The following LRP2 variants were observed in gnomAD, a reference collection of about 807,000 sequenced individuals.
LRP2 encodes LDL receptor related protein 2, also known as low-density lipoprotein receptor-related protein 2.
In LRP2, 172 loss-of-function variants were observed where a neutral mutation model predicts 531.0. That is an observed-to-expected ratio of 0.32 (90% confidence interval 0.29 to 0.37). The LOEUF (loss-of-function observed/expected upper bound fraction) is 0.37, where lower values mean the gene tolerates loss of function less well. LRP2 is among the 10% of genes least tolerant of loss of function. LRP2 has a pLI of 1.00. For missense variants in LRP2, 5,167 were observed against 5,868.3 expected (o/e 0.88, Z 3.90); for synonymous variants, 1,992 against 2,027.6 (o/e 0.98, Z 0.47).
At chr2:169,220,712 T>C (rs1051526745) in intron 33 of LRP2, 149 bp from the exon 34 acceptor site, 24 of 663,224 alleles carry the variant, frequency 3.6e-5, no homozygotes, top group African/African-American at 3.2e-4. Context: ...ATAATCTATA[T>C]TGCACTTCAG....
chr2:169,351,512 C>T (rs1685846604), intron 1 of LRP2, among the ~76,000 whole-genome samples: 3 of 152,122 alleles, frequency 2.0e-5, no homozygotes, highest in Admixed American at 6.5e-5. Context: ...GGAGGAAAGA[C>T]AGAAGATATA....
chr2:169,241,682 T>A (rs986175877), intron 24 of LRP2, among the ~76,000 whole-genome samples: 9 of 152,198 alleles, frequency 5.9e-5, no homozygotes, highest in African/African-American at 2.2e-4. Flanking sequence ...CAATTGCAGA[T>A]TCAATAATAA....
Position 169,289,119 on chromosome 2 carries a change from A to T in LRP2, c.949T>A (p.Cys317Ser). ...GGCGTCTCATGGCACTGGTACTGGCAGTTCAAGGCAGAGCACAGAGTCATA... is the reference window on the plus strand; with the variant it reads ...GGCGTCTCATGGCACTGGTACTGGCTGTTCAAGGCAGAGCACAGAGTCATA... ...CSMTLCSALN[C>S]QYQCHETPYG... Residue 317 changes from cysteine (C) to serine (S), a missense_variant, in exon 9 of 79, where the codon TGC (cysteine) becomes AGC (serine). Physicochemically the swap from Cys to Ser is moderately radical, Grantham distance 112. Transcript: ENST00000649046. The T allele has an allele frequency of 6.2e-7, 1 of 1,614,176 alleles. No homozygotes were observed. Among genetic ancestry groups the T allele is most frequent in the Non-Finnish European group, 8.5e-7 (1 of 1,180,006 alleles).
In LRP2 at chr2:169,202,802, A is replaced by T. The variant is rs1278422225; in HGVS notation, c.8163T>A (p.Asn2721Lys). The change falls in exon 43 of 79, where the codon AAT becomes AAA. Residue 2721 changes from asparagine (N) to lysine (K), a missense_variant. Asn to Lys is a moderately conservative substitution (Grantham distance 94). This residue lies in a region of LRP2 where 1,129 missense variants were observed against 1,362.7 expected (regional missense o/e 0.83). Transcript: ENST00000649046. ...RCISEEWKCD[N>K]DNDCGDGSDE... is the part of the protein sequence containing the mutation. ...CACTGCCATCCCCACAGTCGTTGTC[A>T]TTATCACACTTCCACTCTTCCGAGA... 1 of 1,614,126 alleles carries T rather than the reference A, an allele frequency of 6.2e-7. No homozygotes were observed. The highest frequency in any genetic ancestry group is 8.5e-7 in the Non-Finnish European group (1 of 1,180,016).
chr2:169,200,717 C>A (rs767558375), intron 44 of LRP2, among the ~76,000 whole-genome samples: 24 of 152,158 alleles, frequency 1.6e-4, no homozygotes, highest in Non-Finnish European at 2.8e-4. Flanking sequence ...TAATTACCAA[C>A]AAAAGCTGGT....
intron 31 of LRP2, among the ~76,000 whole-genome samples, chr2:169,229,605 T>C (rs1390218182): frequency 1.3e-5 from 2 of 152,204 alleles, no homozygotes; most frequent in Non-Finnish European, 2.9e-5. Flanking sequence ...TTGTGGGGAA[T>C]ATATTTTCTA....
intron 1 of LRP2, among the ~76,000 whole-genome samples, chr2:169,344,157 A>T (rs1472709259): frequency 6.6e-6 from 1 of 152,124 alleles, no homozygotes; most frequent in African/African-American, 2.4e-5. Flanking sequence ...TCTGGGGTAC[A>T]TGTGCAGAAC....
chr2:169,321,496 T>TTATCTGGTTATCTCTGA (rs1684908176), intron 1 of LRP2, among the ~76,000 whole-genome samples: 1 of 151,574 alleles, frequency 6.6e-6, no homozygotes, highest in Non-Finnish European at 1.5e-5. Flanking sequence ...GACCAGAATG[T>TTATCTGGTTATCTCTGA]TAACAGTGGT....
intron 4 of LRP2, among the ~76,000 whole-genome samples, chr2:169,303,601 G>A (rs1413745162): frequency 1.3e-5 from 2 of 152,024 alleles, no homozygotes; most frequent in African/African-American, 4.8e-5. Context: ...TTTCCTTCTT[G>A]TATATATCTG....
At chr2:169,361,356 C>CTCTG (rs879721006) in intron 1 of LRP2, among the ~76,000 whole-genome samples, 9,607 of 111,552 alleles carry the variant, frequency 0.086, 573 homozygotes, top group Non-Finnish European at 0.13. Flanking sequence ...CTCTGTCTCT[C>CTCTG]TCTCTCTCTC....
chr2:169,129,604 C>T lies in LRP2; in HGVS notation c.13729-520G>A, dbSNP rs367554604. Among the ~76,000 whole-genome samples, 208 of 152,276 alleles carry T rather than the reference C, an allele frequency of 1.4e-3. 6 individuals are homozygous for T. In the South Asian group the frequency reaches 0.027, roughly 20 times the overall value. On this transcript the variant is annotated intron_variant, in intron 77 of 78. Coordinates refer to ENST00000649046, the MANE Select transcript of LRP2 (RefSeq NM_004525.3). Reference sequence around the variant, plus strand: ...ACATCTAACATTTATTGAGTGCTTACTATGTGTCAGGAACTATTCTAAGAG... The same window carrying T: ...ACATCTAACATTTATTGAGTGCTTATTATGTGTCAGGAACTATTCTAAGAG...
intron 56 of LRP2, among the ~76,000 whole-genome samples, chr2:169,173,553 C>T (rs890874975): frequency 6.6e-6 from 1 of 152,176 alleles, no homozygotes; most frequent in Non-Finnish European, 1.5e-5. Flanking sequence ...TTAATGTGAA[C>T]CTCAGTTTCC....
In LRP2 at chr2:169,244,619, G is replaced by C. The variant is rs1165807293; in HGVS notation, c.3430+74C>G. On this transcript the variant is annotated intron_variant, in intron 22 of 78. Coordinates refer to ENST00000649046, the MANE Select transcript of LRP2 (RefSeq NM_004525.3). ...AAAATTGCATGAGCCTTAGAGGAAA[G>C]AATGCAAGGCCATTTGGTTGTTGAA... The C allele has an allele frequency of 3.1e-6, 5 of 1,593,812 alleles. No homozygotes were observed. The African/African-American group carries it at 4.0e-5, about 13-fold the overall frequency.
intron 50 of LRP2, among the ~76,000 whole-genome samples, chr2:169,183,661 G>A (rs1323881240): frequency 1.3e-5 from 2 of 152,116 alleles, no homozygotes; most frequent in Non-Finnish European, 2.9e-5. Context: ...AAGACATCCT[G>A]TGAACAGATT....
intron 37 of LRP2, among the ~76,000 whole-genome samples, chr2:169,210,944 G>A (rs1425368947): frequency 2.0e-5 from 3 of 152,164 alleles, no homozygotes; most frequent in Non-Finnish European, 2.9e-5. Flanking sequence ...GTTAACAACT[G>A]TTAAATCTTG....
chr2:169,338,374 AAG>A (rs1685470464), intron 1 of LRP2, among the ~76,000 whole-genome samples: 2 of 122,220 alleles, frequency 1.6e-5, no homozygotes, highest in Non-Finnish European at 3.4e-5. Flanking sequence ...GAAAGAAAGA[AAG>A]AAAGAAAGAA....
chr2:169,215,571 A>G (rs1188400110), intron 35 of LRP2, among the ~76,000 whole-genome samples: 1 of 151,942 alleles, frequency 6.6e-6, no homozygotes, highest in Non-Finnish European at 1.5e-5. Flanking sequence ...CTGAGTTCAG[A>G]ACCTTGCTAC....
At chr2:169,268,322 C>T (rs749116983) in intron 16 of LRP2, among the ~76,000 whole-genome samples, 44 of 152,234 alleles carry the variant, frequency 2.9e-4, no homozygotes, top group African/African-American at 6.3e-4. Context: ...AATTTTAGAC[C>T]AATATCCCTG....
At chr2:169,210,408 T>C (rs62172626) in intron 37 of LRP2, among the ~76,000 whole-genome samples, 5,187 of 152,358 alleles carry the variant, frequency 0.034, 115 homozygotes, top group Non-Finnish European at 0.052. Context: ...GCTGACATTA[T>C]GTTCTTCCTA....
Sources: allele counts gnomAD v4.1 joint callset (sites outside exome capture counted in the v4.1 genomes callset), GRCh38; gene constraint gnomAD v4.1.1; regional missense constraint gnomAD v4.1.1; transcripts MANE v1.5; gene names NCBI Gene and HGNC (gene_info 2026-07-23, HGNC 2026-07-21).